The following CHRNA5 variants were observed in gnomAD, a reference collection of about 807,000 sequenced individuals.
CHRNA5 encodes cholinergic receptor nicotinic alpha 5 subunit.
CHRNA5 carries 28 observed loss-of-function variants against 41.2 expected under a neutral mutation model. The ratio of observed to expected loss-of-function variants is 0.68; its 90% CI spans 0.50 to 0.93. The LOEUF is 0.93. CHRNA5 is among the 40% of genes least tolerant of loss of function. CHRNA5 has a pLI of 0.00. For missense variants in CHRNA5, 481 were observed against 581.9 expected, an observed-to-expected ratio of 0.83 and a Z score of 1.78; for synonymous variants, 188 against 205.8, an observed-to-expected ratio of 0.91 and a Z score of 0.74.
chr15:78,583,423 G>C (rs2052931076), intron 2 of CHRNA5, among the ~76,000 whole-genome samples: 1 of 152,230 alleles, frequency 6.6e-6, no homozygotes, highest in Non-Finnish European at 1.5e-5. Context: ...GCCGGGCACA[G>C]TGGCTCACGC....
At chr15:78,568,036 G>A (rs185118170) in intron 1 of CHRNA5, among the ~76,000 whole-genome samples, 129 of 152,300 alleles carry the variant, frequency 8.5e-4, no homozygotes, top group Middle Eastern at 3.4e-3. Context: ...TGAAAGGGCG[G>A]TAGTAGATGT....
chr15:78,593,307 C>A lies in CHRNA5; in HGVS notation c.*54C>A. On this transcript the variant is annotated 3_prime_UTR_variant, in exon 6 of 6. Transcript: ENST00000299565. Reference sequence around the variant, plus strand: ...TAGTTAACACACATATATCTGATGGCACCTATAAAATTATGAAAATGTAAG... The same window carrying A: ...TAGTTAACACACATATATCTGATGGAACCTATAAAATTATGAAAATGTAAG... 2.7e-6 allele frequency: 4 copies of A among 1,471,046 alleles called. No individual in the cohort carries two copies. The highest frequency in any genetic ancestry group is 3.6e-6 in the Non-Finnish European group (4 of 1,099,882). 91.1% of individuals were successfully genotyped at this position (1,471,046 alleles called of 1,614,324 possible).
At chr15:78,571,578 CTTTT>C (rs34248937) in intron 1 of CHRNA5, among the ~76,000 whole-genome samples, 5,375 of 116,630 alleles carry the variant, frequency 0.046, 274 homozygotes, top group African/African-American at 0.14. Context: ...GATGCTCTGC[CTTTT>C]TTTTTTTTTT....
intron 3 of CHRNA5, among the ~76,000 whole-genome samples, chr15:78,587,391 TTGG>T (rs1189257924): frequency 6.6e-6 from 1 of 152,144 alleles, no homozygotes; most frequent in African/African-American, 2.4e-5. Flanking sequence ...GAACAAAGTC[TTGG>T]TGGAGAGGAA....
Position 78,583,003 on chromosome 15 carries a change from A to C in CHRNA5, c.258+2041A>C, listed in dbSNP as rs571772052. On this transcript the variant is annotated intron_variant, in intron 2 of 5. Coordinates refer to ENST00000299565, the Ensembl canonical transcript of CHRNA5. ...CCTTTGTGAAATCTTTCCAGAATCC[A>C]TAAGACAGCCTCTCCTGTGTTCAAA... 2.1e-3 allele frequency among the ~76,000 whole-genome samples: 321 copies of C among 152,274 alleles called. 2 individuals are homozygous for C. The highest frequency in any genetic ancestry group is 3.9e-3 in the Admixed American group (60 of 15,292).
chr15:78,590,689 G>A, intron 5 of CHRNA5, 53 bp downstream of exon 5: 1 of 1,477,524 alleles, frequency 6.8e-7, no homozygotes, highest in African/African-American at 1.4e-5. Context: ...AAGTTCAGAA[G>A]TTACTTTCAT....
rs141180754 is a variant in CHRNA5, at chr15:78,590,593, G to A, written c.1202G>A (p.Arg401His). 53 of 1,613,928 alleles carry A rather than the reference G, an allele frequency of 3.3e-5. No individual in the cohort carries two copies. In the African/African-American group the frequency reaches 5.6e-4, roughly 17 times the overall value. Residue 401 changes from arginine (R) to histidine (H), a missense_variant, in exon 5 of 6, where the codon CGC (arginine) becomes CAC (histidine). Physicochemically the swap from Arg to His is conservative, Grantham distance 29. Coordinates refer to ENST00000299565, the Ensembl canonical transcript of CHRNA5. ...TTGGAAGCTGCGCTCGATTCTATTC[G>A]CTACATTACAAGACACATCATGAAG...
chr15:78,565,865 C>G (rs911675549), intron 1 of CHRNA5, 40 bp downstream of exon 1: 49 of 1,153,374 alleles, frequency 4.2e-5, no homozygotes, highest in East Asian at 2.6e-4. Flanking sequence ...GGAGCTGGCC[C>G]GGACTCCACA....
At chr15:78,591,712 G>A (rs751358234) in intron 5 of CHRNA5, among the ~76,000 whole-genome samples, 1 of 151,816 alleles carries the variant, frequency 6.6e-6, no homozygotes, top group Non-Finnish European at 1.5e-5. Context: ...TTATTTTATT[G>A]TATTTCAATA....
chr15:78,589,896 T>A, exon 5 of CHRNA5: 1 of 1,614,196 alleles, frequency 6.2e-7, no homozygotes. Flanking sequence ...CTACAAAAGT[T>A]CCTGTACCAT....
chr15:78,567,263 AAAAAG>A (rs577626090), intron 1 of CHRNA5, among the ~76,000 whole-genome samples: 39,528 of 146,594 alleles, frequency 0.27, 5,432 homozygotes, highest in Middle Eastern at 0.36. Context: ...AAAAAAAAAA[AAAAAG>A]AAAAGAAAAG....
chr15:78,580,764 G>A, intron 1 of CHRNA5, 47 bp from the exon 2 acceptor site: 1 of 1,519,500 alleles, frequency 6.6e-7, no homozygotes, highest in Non-Finnish European at 9.0e-7. Flanking sequence ...ACAGGTATCT[G>A]GTGGGAGAGA....
At chr15:78,586,164 G>GT (rs534408964) in intron 2 of CHRNA5, among the ~76,000 whole-genome samples, 12 of 152,150 alleles carry the variant, frequency 7.9e-5, no homozygotes, top group Admixed American at 2.6e-4. Flanking sequence ...GCAAATGACT[G>GT]TAAGAGATGT....
intron 2 of CHRNA5, among the ~76,000 whole-genome samples, chr15:78,582,012 C>G (rs1001293627): frequency 6.6e-6 from 1 of 152,144 alleles, no homozygotes; most frequent in Non-Finnish European, 1.5e-5. Context: ...ACACAAATGC[C>G]TGAACGTCTC....
At chr15:78,591,758 A>C (rs2053017696) in intron 5 of CHRNA5, among the ~76,000 whole-genome samples, 1 of 152,132 alleles carries the variant, frequency 6.6e-6, no homozygotes, top group African/African-American at 2.4e-5. Flanking sequence ...CACATGCATA[A>C]GTTCTTTCAT....
At chr15:78,591,494 G>A (rs1225668402) in intron 5 of CHRNA5, among the ~76,000 whole-genome samples, 4 of 151,244 alleles carry the variant, frequency 2.6e-5, no homozygotes, top group Admixed American at 6.6e-5. Flanking sequence ...TATGACTATA[G>A]TAATATTTTC....
chr15:78,580,279 C>CAAAAAA lies in CHRNA5; in HGVS notation c.107-514_107-509dup, dbSNP rs71148541. On this transcript the variant is annotated intron_variant, in intron 1 of 5. Coordinates refer to ENST00000299565, the Ensembl canonical transcript of CHRNA5. The stretch of plus-strand genomic sequence containing the variant: ...TGGGAGACCAGGCAGGACTCCGTCT[C>CAAAAAA]AAAAAAAAAAAAAAAAAAAAAAAGA... Among the ~76,000 whole-genome samples, 520 of 61,898 alleles carry CAAAAAA rather than the reference C, an allele frequency of 8.4e-3. 42 individuals carry two copies. Among genetic ancestry groups the CAAAAAA allele is most frequent in the African/African-American group, 0.023 (383 of 16,494 alleles). 40.6% of individuals were successfully genotyped at this position (61,898 alleles called of 152,430 possible). A position where few individuals can be genotyped will look rare whatever the true frequency, so the allele number is the denominator to read the frequency against.
At chr15:78,570,852 C>T (rs539656032) in intron 1 of CHRNA5, among the ~76,000 whole-genome samples, 10 of 152,240 alleles carry the variant, frequency 6.6e-5, no homozygotes, top group South Asian at 2.1e-4. Context: ...CAGAGGGGGG[C>T]GTCCTGTGCC....
At chr15:78,568,313 C>T (rs776518261) in intron 1 of CHRNA5, among the ~76,000 whole-genome samples, 4 of 151,956 alleles carry the variant, frequency 2.6e-5, no homozygotes, top group Non-Finnish European at 4.4e-5. Flanking sequence ...ATAATACAAG[C>T]ATTTTAAACT....
Sources: allele counts gnomAD v4.1 joint callset (sites outside exome capture counted in the v4.1 genomes callset), GRCh38; gene constraint gnomAD v4.1.1; transcripts MANE v1.5; gene names NCBI Gene and HGNC (gene_info 2026-07-23, HGNC 2026-07-21).